The following NIM1K variants were observed in gnomAD, a reference collection of about 807,000 sequenced individuals.
The protein encoded by NIM1K is NIM1 serine/threonine protein kinase.
NIM1K carries 35 observed loss-of-function variants against 37.1 expected under a neutral mutation model. The observed-to-expected ratio is 0.94, with a 90% CI of 0.72 to 1.25. The LOEUF is 1.25. NIM1K is among the 50% of genes most tolerant of loss of function. The pLI is 0.00. For missense variants in NIM1K, 564 were observed against 548.0 expected (o/e 1.03, Z -0.29); for synonymous variants, 234 against 206.6 (o/e 1.13, Z -1.14).
rs1375405564 is a variant in NIM1K, at chr5:43,253,211, T to TATA, written c.292+7146_292+7147insAAT. On this transcript the variant is annotated intron_variant, in intron 2 of 3. Coordinates refer to ENST00000326035, the MANE Select transcript of NIM1K (RefSeq NM_153361.4). Reference sequence around the variant, plus strand: ...ATATAATATAATATATAATATAATATATGTGTGTGTGTGTGTGTGTGTGTG... The same window carrying TATA: ...ATATAATATAATATATAATATAATATATAATGTGTGTGTGTGTGTGTGTGTGTG... Among the ~76,000 whole-genome samples the TATA allele has an allele frequency of 5.1e-3, 265 of 52,204 alleles. 1 individual carries two copies. The highest frequency in any genetic ancestry group is 0.014 in the African/African-American group (260 of 18,150). The allele number at this position is 52,204 out of a possible 152,430, so 34.2% of individuals were successfully genotyped here. A position where few individuals can be genotyped will look rare whatever the true frequency, so the allele number is the denominator to read the frequency against.
intron 1 of NIM1K, among the ~76,000 whole-genome samples, chr5:43,222,565 C>T (rs188921547): frequency 2.6e-5 from 4 of 151,790 alleles, no homozygotes; most frequent in African/African-American, 7.2e-5. Context: ...CCCATCTATA[C>T]AAAAAATGAA....
intron 2 of NIM1K, among the ~76,000 whole-genome samples, chr5:43,272,008 T>C (rs1334584754): frequency 6.6e-6 from 1 of 152,230 alleles, no homozygotes; most frequent in Non-Finnish European, 1.5e-5. Context: ...GTTGGTTCAT[T>C]TTTATTGCTG....
At chr5:43,234,242 TTTCATTCATTCATTCA>T (rs56064948) in intron 1 of NIM1K, among the ~76,000 whole-genome samples, 4 of 151,144 alleles carry the variant, frequency 2.6e-5, no homozygotes, top group African/African-American at 4.9e-5. Context: ...CGTGTCATTC[TTTCATTCATTCATTCA>T]TTCATTCATT....
intron 2 of NIM1K, among the ~76,000 whole-genome samples, chr5:43,268,737 C>T (rs1377639440): frequency 1.3e-5 from 2 of 151,974 alleles, no homozygotes; most frequent in African/African-American, 4.8e-5. Context: ...GGTGGTTTCT[C>T]ATTAGCTTTA....
chr5:43,207,164 G>A (rs1752128338), intron 1 of NIM1K: 1 of 735,292 alleles, frequency 1.4e-6, no homozygotes, highest in Non-Finnish European at 2.5e-6. Flanking sequence ...GAAGCAGTTT[G>A]GAAATATTCT....
intron 1 of NIM1K, among the ~76,000 whole-genome samples, chr5:43,229,448 T>A (rs1752506242): frequency 6.9e-6 from 1 of 145,428 alleles, no homozygotes; most frequent in African/African-American, 2.6e-5. Flanking sequence ...TAATTGGAAA[T>A]ACCTTGATGT....
At chr5:43,257,362 C>CTTTTTT (rs36108441) in intron 2 of NIM1K, among the ~76,000 whole-genome samples, 1 of 58,800 alleles carries the variant, frequency 1.7e-5, no homozygotes, top group East Asian at 4.0e-4. Flanking sequence ...TAAAGTGACT[C>CTTTTTT]TTTTTTTTTT....
intron 1 of NIM1K, among the ~76,000 whole-genome samples, chr5:43,241,361 C>T (rs1238284253): frequency 6.1e-5 from 9 of 147,950 alleles, no homozygotes; most frequent in East Asian, 2.0e-4. Flanking sequence ...GACGGAGTCT[C>T]GCTCTGCCTT....
intron 2 of NIM1K, among the ~76,000 whole-genome samples, chr5:43,260,032 G>T (rs764213033): frequency 1.8e-4 from 27 of 152,058 alleles, no homozygotes; most frequent in Middle Eastern, 3.2e-3. Flanking sequence ...TTACTAAATA[G>T]GGTGTCCTTT....
At chr5:43,206,591 C>A (rs373866179) in intron 1 of NIM1K, 1 of 561,336 alleles carries the variant, frequency 1.8e-6, no homozygotes, top group South Asian at 2.1e-5. Flanking sequence ...GAATAAGAAA[C>A]GAGCAAGTGC....
chr5:43,278,050 CTT>C (rs1179740770), intron 3 of NIM1K, among the ~76,000 whole-genome samples: 7 of 126,394 alleles, frequency 5.5e-5, no homozygotes, highest in Non-Finnish European at 3.4e-5. Flanking sequence ...CTTTCTGTTT[CTT>C]TTTTTTTTTT....
At chr5:43,231,821 C>A in intron 1 of NIM1K, 1 of 1,226,678 alleles carries the variant, frequency 8.2e-7, no homozygotes, top group South Asian at 1.2e-5. Flanking sequence ...TTTAGTATTC[C>A]TCTCTTTCTT....
At chr5:43,276,999 C>A in intron 2 of NIM1K, 58 bp from the exon 3 acceptor site, 1 of 1,564,250 alleles carries the variant, frequency 6.4e-7, no homozygotes, top group Non-Finnish European at 8.7e-7. Flanking sequence ...CAGGTCCTCT[C>A]CAGTTCTAAC....
intron 1 of NIM1K, among the ~76,000 whole-genome samples, chr5:43,229,991 C>A (rs1451714367): frequency 6.6e-6 from 1 of 151,910 alleles, no homozygotes; most frequent in Non-Finnish European, 1.5e-5. Flanking sequence ...AATATCTCTA[C>A]CTTTACCTAT....
intron 2 of NIM1K, among the ~76,000 whole-genome samples, chr5:43,249,898 G>A (rs775417634): frequency 3.1e-5 from 4 of 128,774 alleles, no homozygotes; most frequent in South Asian, 2.6e-4. Flanking sequence ...TGTTGCCCAC[G>A]CTGGAGTGTA....
intron 2 of NIM1K, among the ~76,000 whole-genome samples, chr5:43,260,272 A>G (rs2112282661): frequency 1.3e-5 from 2 of 152,288 alleles, no homozygotes; most frequent in East Asian, 3.9e-4. Context: ...TGTTGAACAG[A>G]AGTGATGAAA....
At chr5:43,258,482 C>G (rs1007172356) in intron 2 of NIM1K, among the ~76,000 whole-genome samples, 1 of 151,306 alleles carries the variant, frequency 6.6e-6, no homozygotes, top group Non-Finnish European at 1.5e-5. Flanking sequence ...TGCTTTGTCA[C>G]CCAGGCTGGA....
At chr5:43,200,572 T>A (rs1207040807) in intron 1 of NIM1K, among the ~76,000 whole-genome samples, 1 of 152,148 alleles carries the variant, frequency 6.6e-6, no homozygotes, top group African/African-American at 2.4e-5. Flanking sequence ...AGTGATGAGA[T>A]TACAGGCGTG....
chr5:43,249,281 G>T (rs892827897), intron 2 of NIM1K, among the ~76,000 whole-genome samples: 3 of 151,808 alleles, frequency 2.0e-5, no homozygotes, highest in Non-Finnish European at 4.4e-5. Context: ...ATGTTAGCTG[G>T]GATGGTCTCG....
Sources: allele counts gnomAD v4.1 joint callset (sites outside exome capture counted in the v4.1 genomes callset), GRCh38; gene constraint gnomAD v4.1.1; transcripts MANE v1.5; gene names NCBI Gene and HGNC (gene_info 2026-07-23, HGNC 2026-07-21).